Variants in KSR1 observed in about 807,000 individuals in gnomAD.
KSR1 encodes kinase suppressor of ras 1, also known as kinase suppressor of ras.
In KSR1, 35 loss-of-function variants were observed where a neutral mutation model predicts 92.9. The observed-to-expected ratio is 0.38, with a 90% confidence interval of 0.29 to 0.50. The LOEUF (loss-of-function observed/expected upper bound fraction) is 0.50, where lower values mean the gene tolerates loss of function less well. Ranked by LOEUF, KSR1 falls within the 20% of genes least tolerant of loss-of-function variation. The pLI is 0.94. For synonymous variants in KSR1, 467 were observed against 472.6 expected (o/e 0.99, Z 0.15); for missense variants, 972 against 1,158.5 (o/e 0.84, Z 2.34).
chr17:27,491,197 T>C (rs1248451005), intron 1 of KSR1, among the ~76,000 whole-genome samples: 1 of 151,990 alleles, frequency 6.6e-6, no homozygotes, highest in Admixed American at 6.6e-5. Context: ...TGATACTAGC[T>C]CACGGTAGCC....
Position 27,625,410 on chromosome 17 carries a change from G to C in KSR1, c.*2018G>C, listed in dbSNP as rs2074320294. The C allele has an allele frequency of 6.6e-6, 1 of 152,284 alleles. No individual in the cohort carries two copies. The highest frequency in any genetic ancestry group is 2.4e-5 in the African/African-American group (1 of 41,464). The allele number at this position is 152,284 out of a possible 1,614,324, so 9.4% of individuals were successfully genotyped here. A position where few individuals can be genotyped will look rare whatever the true frequency, so the allele number is the denominator to read the frequency against. The stretch of plus-strand genomic sequence containing the variant: ...CTCATTGAGCAACTACAGTGCACTT[G>C]GTCTTCTGCAAGTGCTGGGCACCTA... On this transcript the variant is annotated 3_prime_UTR_variant, in exon 21 of 21. Coordinates refer to ENST00000644974, the MANE Select transcript of KSR1 (RefSeq NM_001394583.1).
intron 1 of KSR1, among the ~76,000 whole-genome samples, chr17:27,549,325 C>T (rs2071306406): frequency 6.6e-6 from 1 of 152,198 alleles, no homozygotes; most frequent in South Asian, 2.1e-4. Context: ...GGTCACTTGG[C>T]CGTAGCCAAG....
intron 2 of KSR1, among the ~76,000 whole-genome samples, chr17:27,551,202 C>T (rs976387285): frequency 1.3e-5 from 2 of 152,178 alleles, no homozygotes; most frequent in Admixed American, 1.3e-4. Context: ...TTAGTTTAAT[C>T]TTCTGACTGC....
intron 1 of KSR1, among the ~76,000 whole-genome samples, chr17:27,502,631 G>A (rs1275686388): frequency 5.3e-5 from 8 of 152,196 alleles, no homozygotes; most frequent in Admixed American, 1.3e-4. Flanking sequence ...AGCCCTCCTC[G>A]GGGGCAGGCA....
chr17:27,518,656 G>C (rs911676992), intron 1 of KSR1, among the ~76,000 whole-genome samples: 1 of 152,206 alleles, frequency 6.6e-6, no homozygotes, highest in East Asian at 1.9e-4. Flanking sequence ...GTGCTGACAA[G>C]TTCTGTGGGA....
chr17:27,577,625 A>G lies in KSR1; in HGVS notation c.506A>G (p.Lys169Arg). Residue 169 changes from lysine to arginine, a missense_variant, in exon 3 of 21, where the codon AAG (lysine) becomes AGG (arginine). Around this residue, in one of 5 missense-constraint regions of KSR1, gnomAD observed 611 missense variants for 668.0 expected, o/e 0.91. Coordinates refer to ENST00000644974, the MANE Select transcript of KSR1 (RefSeq NM_001394583.1). This position sits in a 1 kb window ranked among gnomAD's most constrained non-coding sequence, Gnocchi z 4.5. The stretch of plus-strand genomic sequence containing the variant: ...CAGTATGCCCTCACCTGCCTGCGGA[A>G]GGTGACAGGCCTGGGTACGTGGGGC... ...RLQYALTCLR[K>R]VTGLGGEHKE... The G allele has an allele frequency of 1.3e-6, 2 of 1,580,174 alleles. No individual in the cohort carries two copies. Among genetic ancestry groups the G allele is most frequent in the Non-Finnish European group, 1.7e-6 (2 of 1,168,506 alleles).
chr17:27,465,622 T>C (rs2019661044), intron 1 of KSR1: 1 of 152,150 alleles, frequency 6.6e-6, no homozygotes, highest in East Asian at 1.9e-4. Flanking sequence ...CCAGCTATGA[T>C]TGGGAAAAAT....
chr17:27,519,778 A>G (rs1176587024), intron 1 of KSR1, among the ~76,000 whole-genome samples: 1 of 152,172 alleles, frequency 6.6e-6, no homozygotes, highest in Non-Finnish European at 1.5e-5. Flanking sequence ...GTGGTGAGGG[A>G]CCTAGAGTCT....
chr17:27,473,819 G>A (rs1380259509), intron 1 of KSR1, among the ~76,000 whole-genome samples: 1 of 152,158 alleles, frequency 6.6e-6, no homozygotes, highest in East Asian at 1.9e-4. Flanking sequence ...TGTCTTTTTA[G>A]GGGACAGGAA....
intron 1 of KSR1, among the ~76,000 whole-genome samples, chr17:27,485,981 A>G (rs552753424): frequency 1.1e-4 from 17 of 152,264 alleles, no homozygotes; most frequent in Admixed American, 5.2e-4. Flanking sequence ...TAGTTCTTCT[A>G]ATTAGTCTTC....
intron 1 of KSR1, among the ~76,000 whole-genome samples, chr17:27,461,553 G>T (rs909901666): frequency 6.6e-6 from 1 of 152,236 alleles, no homozygotes; most frequent in Non-Finnish European, 1.5e-5. Flanking sequence ...GGCTCCAGCC[G>T]TCTCTGAAGA....
intron 1 of KSR1, among the ~76,000 whole-genome samples, chr17:27,472,505 G>A (rs988207116): frequency 3.9e-5 from 6 of 152,152 alleles, no homozygotes; most frequent in Non-Finnish European, 8.8e-5. Flanking sequence ...TAAGCTTGTT[G>A]CTATTAAATA....
chr17:27,527,352 A>C (rs1478757849), intron 1 of KSR1: 1 of 147,030 alleles, frequency 6.8e-6, no homozygotes, highest in African/African-American at 2.6e-5. Flanking sequence ...ACTGCACTCC[A>C]GCCTGGATAA....
At chr17:27,541,363 G>A (rs1215389328) in intron 1 of KSR1, among the ~76,000 whole-genome samples, 1 of 152,264 alleles carries the variant, frequency 6.6e-6, no homozygotes, top group Non-Finnish European at 1.5e-5. Flanking sequence ...TCAGGTTATA[G>A]GCAGCATGAT....
chr17:27,505,591 G>A (rs899014477), intron 1 of KSR1, among the ~76,000 whole-genome samples: 3 of 29,942 alleles, frequency 1.0e-4, no homozygotes, highest in African/African-American at 2.5e-4. Context: ...TGAGCAAGCT[G>A]CGATCTCCCT....
At chr17:27,497,964 G>A (rs2069046996) in intron 1 of KSR1, among the ~76,000 whole-genome samples, 1 of 152,168 alleles carries the variant, frequency 6.6e-6, no homozygotes, top group Admixed American at 6.5e-5. Context: ...AGGTTTTGCT[G>A]CAAAAATGAG....
At chr17:27,526,809 C>T (rs1361086626) in intron 1 of KSR1, 7 of 966,038 alleles carry the variant, frequency 7.2e-6, no homozygotes, top group South Asian at 3.1e-5. Context: ...TGGGCCGTGG[C>T]GTGGTATTTG....
intron 18 of KSR1, among the ~76,000 whole-genome samples, chr17:27,615,736 C>G (rs1239209514): frequency 3.3e-5 from 5 of 152,142 alleles, no homozygotes; most frequent in Non-Finnish European, 7.3e-5. Context: ...TGTCTCATAT[C>G]GTGCCCTCTC....
intron 1 of KSR1, among the ~76,000 whole-genome samples, chr17:27,528,012 T>TA (rs1368991289): frequency 2.6e-5 from 4 of 152,240 alleles, no homozygotes; most frequent in Non-Finnish European, 5.9e-5. Context: ...TAGAAAAGGC[T>TA]ATGACCTAAT....
Sources: gnomAD v4.1 joint callset for allele counts (sites outside exome capture counted in the v4.1 genomes callset) on GRCh38, gnomAD v4.1.1 for gene constraint, gnomAD v4.1.1 regional missense constraint, Gnocchi (gnomAD v3.1) non-coding constraint, MANE v1.5 for transcripts, NCBI Gene and HGNC (gene_info 2026-07-23, HGNC 2026-07-21) for gene names.